The following LRRC4C variants were observed in gnomAD, a reference collection of about 807,000 sequenced individuals.
LRRC4C encodes the protein leucine-rich repeat-containing protein 4C.
A neutral mutation model predicts 33.6 loss-of-function variants in LRRC4C; 5 were observed. The observed-to-expected ratio is 0.15, with a 90% CI of 0.08 to 0.31. LRRC4C has a LOEUF of 0.31. Among genes scored for constraint, LRRC4C ranks in the 10% least tolerant of loss-of-function variants. The pLI, the probability that LRRC4C is intolerant of heterozygous loss-of-function variation, is 1.00. For missense variants in LRRC4C, 560 were observed against 796.7 expected (o/e 0.70, Z 3.58); for synonymous variants, 329 against 302.0 (o/e 1.09, Z -0.93).
intron 1 of LRRC4C, among the ~76,000 whole-genome samples, chr11:41,452,904 T>G (rs1490964765): frequency 4.6e-5 from 7 of 152,152 alleles, no homozygotes; most frequent in Non-Finnish European, 8.8e-5. Flanking sequence ...TTACTATTAC[T>G]ACTAATGATT....
At chr11:40,124,982 TATAA>T (rs1856104750) in intron 6 of LRRC4C, among the ~76,000 whole-genome samples, 1 of 151,570 alleles carries the variant, frequency 6.6e-6, no homozygotes, top group South Asian at 2.1e-4. Flanking sequence ...TATATATATA[TATAA>T]ATAAATTCTA....
At chr11:41,042,910 A>ATAGTAATTG (rs1322016466) in intron 1 of LRRC4C, among the ~76,000 whole-genome samples, 1 of 151,614 alleles carries the variant, frequency 6.6e-6, no homozygotes, top group Non-Finnish European at 1.5e-5. Flanking sequence ...ATTGGCATAG[A>ATAGTAATTG]TAGTAATTGT....
intron 1 of LRRC4C, among the ~76,000 whole-genome samples, chr11:41,166,944 A>AG (rs1590815250): frequency 6.6e-6 from 1 of 152,214 alleles, no homozygotes; most frequent in Admixed American, 6.5e-5. Context: ...ACTGAAGCTT[A>AG]GAAAGGCTAA....
chr11:40,253,452 G>A (rs1866948424), intron 4 of LRRC4C, among the ~76,000 whole-genome samples: 1 of 152,124 alleles, frequency 6.6e-6, no homozygotes, highest in African/African-American at 2.4e-5. Context: ...CTTTTTAGTT[G>A]AGAGACCTAA....
chr11:40,318,291 G>T (rs905569015), intron 4 of LRRC4C, among the ~76,000 whole-genome samples: 3 of 151,776 alleles, frequency 2.0e-5, no homozygotes, highest in African/African-American at 7.3e-5. Context: ...TTATTATTTT[G>T]CCTTTACTGC....
intron 2 of LRRC4C, among the ~76,000 whole-genome samples, chr11:40,795,353 C>CCT (rs1950781859): frequency 6.6e-6 from 1 of 151,790 alleles, no homozygotes; most frequent in Non-Finnish European, 1.5e-5. Flanking sequence ...ACGGTGAAAC[C>CCT]CTCTCTCTAT....
intron 4 of LRRC4C, among the ~76,000 whole-genome samples, chr11:40,273,238 G>T (rs1942838266): frequency 6.6e-6 from 1 of 152,110 alleles, no homozygotes; most frequent in South Asian, 2.1e-4. Flanking sequence ...GGGGAAGATA[G>T]AGAACAAACA....
chr11:40,124,082 A>G (rs1208815324), intron 6 of LRRC4C, among the ~76,000 whole-genome samples: 2 of 152,140 alleles, frequency 1.3e-5, no homozygotes, highest in Non-Finnish European at 2.9e-5. Context: ...GTGTAAAAAA[A>G]TCAAAATGGA....
At chr11:40,795,189 A>T (rs551772937) in intron 2 of LRRC4C, among the ~76,000 whole-genome samples, 1 of 152,292 alleles carries the variant, frequency 6.6e-6, no homozygotes, top group East Asian at 1.9e-4. Context: ...AGTAATTGCC[A>T]GACATAGAAT....
At chr11:40,302,775 T>A (rs775485543) in intron 4 of LRRC4C, among the ~76,000 whole-genome samples, 2 of 152,204 alleles carry the variant, frequency 1.3e-5, no homozygotes, top group Non-Finnish European at 2.9e-5. Context: ...GACACACTTA[T>A]ATTTTTGTAA....
At chr11:40,542,561 C>T (rs1956764457) in intron 3 of LRRC4C, among the ~76,000 whole-genome samples, 1 of 152,066 alleles carries the variant, frequency 6.6e-6, no homozygotes, top group South Asian at 2.1e-4. Flanking sequence ...TAATAACAAC[C>T]AGGACCACTT....
chr11:40,728,625 C>CAAA (rs60355454), intron 2 of LRRC4C, among the ~76,000 whole-genome samples: 1,811 of 51,154 alleles, frequency 0.035, 155 homozygotes, highest in African/African-American at 0.12. Context: ...GACTCCGTCT[C>CAAA]AAAAAAAAAA....
chr11:40,929,099 G>A (rs1465602487), intron 2 of LRRC4C, among the ~76,000 whole-genome samples: 1 of 152,074 alleles, frequency 6.6e-6, no homozygotes, highest in Non-Finnish European at 1.5e-5. Context: ...TTCACAAATG[G>A]AAGAAGTCCA....
rs765686807 is a variant in LRRC4C, at chr11:40,927,316, A to G, written c.-407+6319T>C. Among the ~76,000 whole-genome samples the G allele has an allele frequency of 6.2e-4, 94 of 151,504 alleles. 1 individual carries two copies. Among genetic ancestry groups the G allele is most frequent in the Non-Finnish European group, 8.0e-4 (54 of 67,916 alleles). On this transcript the variant is annotated intron_variant, in intron 2 of 6. Transcript: ENST00000528697. ...TTGAACCCGAGAGGCGGAGGTTGCAATGAGCCAAGATCATGCCATTAGACT... is the reference window on the plus strand; with the variant it reads ...TTGAACCCGAGAGGCGGAGGTTGCAGTGAGCCAAGATCATGCCATTAGACT...
chr11:40,791,045 C>A (rs186708177), intron 2 of LRRC4C, among the ~76,000 whole-genome samples: 50 of 152,188 alleles, frequency 3.3e-4, no homozygotes, highest in African/African-American at 1.1e-3. Context: ...TCACTCAGTA[C>A]CTGTCTGATG....
At chr11:41,266,773 C>G (rs1424301194) in intron 1 of LRRC4C, among the ~76,000 whole-genome samples, 1 of 152,080 alleles carries the variant, frequency 6.6e-6, no homozygotes, top group Non-Finnish European at 1.5e-5. Flanking sequence ...GTCTCCCTAC[C>G]AGTGGCTTGT....
At chr11:40,331,217 T>C (rs932844319) in intron 3 of LRRC4C, among the ~76,000 whole-genome samples, 2 of 152,294 alleles carry the variant, frequency 1.3e-5, no homozygotes, top group East Asian at 1.9e-4. Flanking sequence ...GAAAACAGTA[T>C]GGAGGTTTCT....
intron 1 of LRRC4C, among the ~76,000 whole-genome samples, chr11:41,189,332 C>A (rs1945843136): frequency 6.6e-6 from 1 of 152,032 alleles, no homozygotes; most frequent in Non-Finnish European, 1.5e-5. Flanking sequence ...CAAGACGTTT[C>A]CTGGCTGAGG....
rs757777073 is a variant in LRRC4C at position 40,116,248 on chromosome 11, A to G, written c.45T>C (p.Gly15=). 1.9e-6 allele frequency: 3 copies of G among 1,613,008 alleles called. No homozygotes were observed. The South Asian group carries it at 3.3e-5, about 18-fold the overall frequency. ...MTLHPQQIMI[G]PRFNRALFDP... is the part of the protein sequence containing the mutation. ...CAAATAGGGCCCTGTTAAACCTAGG[A>G]CCTATCATTATCTGCTGTGGATGTA... Residue 15 remains glycine, a synonymous_variant, in exon 7 of 7, where the codon GGT becomes GGC. Coordinates refer to ENST00000528697, the MANE Select transcript of LRRC4C (RefSeq NM_001258419.2).
Sources: gnomAD v4.1 joint callset for allele counts (sites outside exome capture counted in the v4.1 genomes callset) on GRCh38, gnomAD v4.1.1 for gene constraint, MANE v1.5 for transcripts, NCBI Gene and HGNC (gene_info 2026-07-23, HGNC 2026-07-21) for gene names.